LGR5: variants seen among roughly 807,000 people sequenced by gnomAD.
LGR5 encodes leucine-rich repeat-containing G protein-coupled receptor 5.
LGR5 carries 54 observed loss-of-function variants against 76.7 expected under a neutral mutation model. The ratio of observed to expected loss-of-function variants is 0.70; its 90% confidence interval spans 0.57 to 0.88. LGR5 has a LOEUF of 0.88. Ranked by LOEUF, LGR5 falls within the 40% of genes least tolerant of loss-of-function variation. The probability of loss-of-function intolerance (pLI) is 0.00; values close to 1 mark genes in which losing one functional copy is unlikely to be tolerated. For synonymous variants in LGR5, 406 were observed against 421.9 expected (o/e 0.96, Z 0.46); for missense variants, 1,078 against 1,073.3 (o/e 1.00, Z -0.06).
intron 3 of LGR5, among the ~76,000 whole-genome samples, chr12:71,532,962 C>T (rs966539262): frequency 6.6e-5 from 10 of 152,220 alleles, no homozygotes; most frequent in Non-Finnish European, 1.3e-4. Context: ...AAGGCTGAGG[C>T]GGGAGGATCC....
chr12:71,568,309 T>G (rs1464484695), intron 11 of LGR5, among the ~76,000 whole-genome samples: 1 of 152,196 alleles, frequency 6.6e-6, no homozygotes, highest in African/African-American at 2.4e-5. Flanking sequence ...CACAGGATCT[T>G]GAGCACATTA....
At chr12:71,528,012 T>C (rs1876104986) in intron 3 of LGR5, among the ~76,000 whole-genome samples, 1 of 152,238 alleles carries the variant, frequency 6.6e-6, no homozygotes, top group East Asian at 1.9e-4. Context: ...TGAAACGTTT[T>C]ATAAGATGTT....
Position 71,559,666 on chromosome 12 carries a change from G to A in LGR5, c.785+12G>A. Reference sequence around the variant, plus strand: ...AACCTTAAAGAACTGTAAGTATTTAGGACAATTTTAATGGGAGAACTTTAT... The same window carrying A: ...AACCTTAAAGAACTGTAAGTATTTAAGACAATTTTAATGGGAGAACTTTAT... On this transcript the variant is annotated intron_variant, in intron 7 of 17. Transcript: ENST00000266674. 7.2e-7 allele frequency: 1 copy of A among 1,392,260 alleles called. No homozygotes were observed. Among genetic ancestry groups the A allele is most frequent in the Admixed American group, 1.7e-5 (1 of 57,910 alleles). The allele number at this position is 1,392,260 out of a possible 1,614,324, so 86.2% of individuals were successfully genotyped here. A position where few individuals can be genotyped will look rare whatever the true frequency, so the allele number is the denominator to read the frequency against.
intron 11 of LGR5, chr12:71,567,187 C>T: frequency 2.4e-6 from 1 of 412,786 alleles, no homozygotes; most frequent in African/African-American, 2.0e-5. Context: ...TATGAAGAGG[C>T]CAAAATCACT....
intron 1 of LGR5, among the ~76,000 whole-genome samples, chr12:71,493,786 C>CCT: frequency 2.9e-5 from 1 of 34,756 alleles, no homozygotes; most frequent in South Asian, 8.1e-4. Flanking sequence ...TTTTTTTTTT[C>CCT]GAGACAGGGT....
At chr12:71,455,407 G>A (rs183137488) in intron 1 of LGR5, among the ~76,000 whole-genome samples, 72 of 152,204 alleles carry the variant, frequency 4.7e-4, no homozygotes, top group South Asian at 2.5e-3. Flanking sequence ...CAGGATTGTA[G>A]AAAATGGGAG....
chr12:71,506,717 T>G (rs1473471013), intron 2 of LGR5, among the ~76,000 whole-genome samples: 1 of 152,186 alleles, frequency 6.6e-6, no homozygotes, highest in Non-Finnish European at 1.5e-5. Flanking sequence ...TTGCTGAATT[T>G]AAAATCAAGA....
rs756069522 is a variant in LGR5 at position 71,553,058 on chromosome 12, T to C, written c.429-15T>C. On this transcript the variant is annotated splice_polypyrimidine_tract_variant and intron_variant, in intron 4 of 17. Transcript: ENST00000266674. ...CTTTGCTCTCTTTTCCATTCTTGCT[T>C]TCTTTCTTCCACAGGCGTCTGGATG... 1.2e-6 allele frequency: 2 copies of C among 1,612,638 alleles called. No homozygotes were observed. The highest frequency in any genetic ancestry group is 2.2e-5 in the East Asian group (1 of 44,834).
At chr12:71,491,010 A>G (rs1190060612) in intron 1 of LGR5, among the ~76,000 whole-genome samples, 1 of 152,024 alleles carries the variant, frequency 6.6e-6, no homozygotes, top group African/African-American at 2.4e-5. Flanking sequence ...GGTTTTTCCA[A>G]TGCTGTTCTC....
chr12:71,578,113 G>A (rs891688290), intron 14 of LGR5, 117 bp downstream of exon 14: 2 of 737,192 alleles, frequency 2.7e-6, no homozygotes, highest in African/African-American at 1.7e-5. Flanking sequence ...CTGCCTCTGT[G>A]TTCTCCATGC....
intron 1 of LGR5, among the ~76,000 whole-genome samples, chr12:71,474,339 G>A (rs558272617): frequency 2.4e-4 from 36 of 152,280 alleles, no homozygotes; most frequent in African/African-American, 8.7e-4. Flanking sequence ...CTCCCGAGCA[G>A]GTACTGGTGT....
intron 13 of LGR5, among the ~76,000 whole-genome samples, chr12:71,577,420 A>G (rs1878905682): frequency 6.6e-6 from 1 of 152,206 alleles, no homozygotes; most frequent in African/African-American, 2.4e-5. Flanking sequence ...TATCCTGGCT[A>G]ATAATTTACT....
intron 1 of LGR5, among the ~76,000 whole-genome samples, chr12:71,483,443 A>G (rs1206076170): frequency 6.6e-6 from 1 of 152,206 alleles, no homozygotes; most frequent in Non-Finnish European, 1.5e-5. Context: ...AGAAACCAGA[A>G]AAGTGGAGAG....
chr12:71,548,676 G>T (rs1464266458), intron 4 of LGR5, among the ~76,000 whole-genome samples: 1 of 152,160 alleles, frequency 6.6e-6, no homozygotes, highest in Non-Finnish European at 1.5e-5. Flanking sequence ...AACCCTATAA[G>T]ATGGGAGTTA....
intron 4 of LGR5, among the ~76,000 whole-genome samples, chr12:71,541,840 C>G (rs1876895563): frequency 6.6e-6 from 1 of 152,124 alleles, no homozygotes. Context: ...GATAAGAACC[C>G]TAGTTTGCCA....
intron 4 of LGR5, among the ~76,000 whole-genome samples, chr12:71,536,286 A>G (rs190219246): frequency 6.6e-6 from 1 of 152,374 alleles, no homozygotes; most frequent in East Asian, 1.9e-4. Flanking sequence ...GAGGTAACAT[A>G]GAAGGAGGAC....
intron 1 of LGR5, among the ~76,000 whole-genome samples, chr12:71,493,540 A>G (rs1228594688): frequency 6.6e-6 from 1 of 151,224 alleles, no homozygotes. Context: ...CATTTACTTA[A>G]CTTCCTTCCT....
At chr12:71,534,810 T>C (rs999877640) in intron 3 of LGR5, among the ~76,000 whole-genome samples, 1 of 152,234 alleles carries the variant, frequency 6.6e-6, no homozygotes, top group Admixed American at 6.5e-5. Context: ...TCCAGTTAAA[T>C]ATCACCTTTC....
intron 1 of LGR5, among the ~76,000 whole-genome samples, chr12:71,460,204 G>A (rs1234360663): frequency 6.6e-6 from 1 of 152,050 alleles, no homozygotes; most frequent in African/African-American, 2.4e-5. Context: ...GCATGTGGAA[G>A]GAAATTTTCA....
Sources: allele counts gnomAD v4.1 joint callset (sites outside exome capture counted in the v4.1 genomes callset), GRCh38; gene constraint gnomAD v4.1.1; transcripts MANE v1.5; gene names NCBI Gene and HGNC (gene_info 2026-07-23, HGNC 2026-07-21).